The following ARHGAP10 variants were observed in gnomAD, a reference collection of about 807,000 sequenced individuals.
ARHGAP10 encodes the protein rho GTPase-activating protein 10.
In ARHGAP10, 87 loss-of-function variants were observed where a neutral mutation model predicts 108.6. The ratio of observed to expected loss-of-function variants is 0.80; its 90% CI spans 0.67 to 0.96. The LOEUF is 0.96. Among genes scored for constraint, ARHGAP10 ranks in the 40% least tolerant of loss-of-function variants. The pLI is 0.00. For missense variants in ARHGAP10, 939 were observed against 954.5 expected (o/e 0.98, Z 0.21); for synonymous variants, 347 against 341.1 (o/e 1.02, Z -0.19).
intron 16 of ARHGAP10, 78 bp downstream of exon 16, chr4:147,955,452 A>G: frequency 1.5e-6 from 2 of 1,292,802 alleles, no homozygotes; most frequent in South Asian, 2.6e-5. Context: ...CATATGAAAA[A>G]TTCAACTTGT....
chr4:147,904,306 C>T (rs191663287), intron 10 of ARHGAP10, among the ~76,000 whole-genome samples: 38 of 151,904 alleles, frequency 2.5e-4, no homozygotes, highest in Middle Eastern at 3.4e-3. Flanking sequence ...TATGTATACA[C>T]GTGCCATGCT....
chr4:147,878,714 C>T (rs1289044317), intron 8 of ARHGAP10, among the ~76,000 whole-genome samples: 1 of 151,308 alleles, frequency 6.6e-6, no homozygotes, highest in Non-Finnish European at 1.5e-5. Context: ...CTTTAAATCA[C>T]TTCTGTCTTG....
intron 18 of ARHGAP10, among the ~76,000 whole-genome samples, chr4:147,994,867 A>G (rs1035743187): frequency 2.0e-5 from 3 of 152,248 alleles, no homozygotes; most frequent in Non-Finnish European, 2.9e-5. Flanking sequence ...CATTATTTTC[A>G]TCATTTAATG....
Position 147,818,629 on chromosome 4 carries a change from C to A in ARHGAP10, c.155-4098C>A, listed in dbSNP as rs113896125. 7.3e-5 allele frequency among the ~76,000 whole-genome samples: 11 copies of A among 151,558 alleles called. 1 individual carries two copies. Among genetic ancestry groups the A allele is most frequent in the African/African-American group, 2.7e-4 (11 of 41,290 alleles). On this transcript the variant is annotated intron_variant, in intron 1 of 22. Coordinates refer to ENST00000336498, the MANE Select transcript of ARHGAP10 (RefSeq NM_024605.4). ...TCTATTCTCCCTGCCCTGCATCTAACCCAGGCAGAGATGTTGCTGGTCTTT... is the reference window on the plus strand; with the variant it reads ...TCTATTCTCCCTGCCCTGCATCTAAACCAGGCAGAGATGTTGCTGGTCTTT...
At position 148,042,694 on chromosome 4, in the gene ARHGAP10, C is replaced by T. The variant is rs184610884; in HGVS notation, c.1868-4198C>T. Among the ~76,000 whole-genome samples the T allele has an allele frequency of 7.4e-4, 113 of 152,302 alleles. 1 individual carries two copies. The highest frequency in any genetic ancestry group is 9.0e-4 in the Non-Finnish European group (61 of 68,024). On this transcript the variant is annotated intron_variant, in intron 19 of 22. Transcript: ENST00000336498. ...CACCTTGTTTGTCTTTGCCTGTCTT[C>T]TGCATTATACTCTGGGCATCTTTGG...
intron 15 of ARHGAP10, among the ~76,000 whole-genome samples, chr4:147,954,338 G>A (rs1043695101): frequency 6.6e-6 from 1 of 151,862 alleles, no homozygotes; most frequent in Non-Finnish European, 1.5e-5. Context: ...TCTCCTTGTA[G>A]TTCTGTCAAT....
At chr4:147,821,720 A>G (rs1362758337) in intron 1 of ARHGAP10, among the ~76,000 whole-genome samples, 1 of 152,190 alleles carries the variant, frequency 6.6e-6, no homozygotes, top group Non-Finnish European at 1.5e-5. Context: ...TTTTATTACC[A>G]TAATATGACT....
intron 13 of ARHGAP10, among the ~76,000 whole-genome samples, chr4:147,937,151 A>AT (rs1258975348): frequency 6.6e-6 from 1 of 152,166 alleles, no homozygotes; most frequent in African/African-American, 2.4e-5. Context: ...GGGCTGCTGA[A>AT]TAAACAATAG....
At chr4:147,916,282 TTC>T (rs1232357132) in intron 13 of ARHGAP10, among the ~76,000 whole-genome samples, 1 of 152,226 alleles carries the variant, frequency 6.6e-6, no homozygotes, top group Non-Finnish European at 1.5e-5. Context: ...TTTCATGTCT[TTC>T]TGTTTTTGAT....
At chr4:148,005,743 A>G (rs1248448198) in intron 18 of ARHGAP10, among the ~76,000 whole-genome samples, 1 of 152,164 alleles carries the variant, frequency 6.6e-6, no homozygotes, top group Non-Finnish European at 1.5e-5. Context: ...TTTCTCTTTC[A>G]TGATTGAGGT....
chr4:147,745,618 A>G (rs1296125649), intron 1 of ARHGAP10, among the ~76,000 whole-genome samples: 4 of 152,080 alleles, frequency 2.6e-5, no homozygotes, highest in Admixed American at 2.0e-4. Context: ...CAGCCTCCCG[A>G]GTAGCTGGGA....
chr4:147,921,331 G>A (rs1737223541), intron 13 of ARHGAP10, among the ~76,000 whole-genome samples: 1 of 152,210 alleles, frequency 6.6e-6, no homozygotes, highest in South Asian at 2.1e-4. Flanking sequence ...GGTGCTTCTT[G>A]GAAATTCAGA....
intron 5 of ARHGAP10, 158 bp from the exon 6 acceptor site, chr4:147,864,688 T>C (rs563194934): frequency 1.7e-6 from 1 of 585,154 alleles, no homozygotes; most frequent in East Asian, 3.1e-5. Flanking sequence ...CTGCAGACAA[T>C]ACATAAATGA....
intron 1 of ARHGAP10, among the ~76,000 whole-genome samples, chr4:147,771,082 C>G: frequency 6.6e-6 from 1 of 152,098 alleles, no homozygotes; most frequent in Middle Eastern, 3.2e-3. Flanking sequence ...ACCCTATGTT[C>G]CCTGTAATCC....
chr4:147,862,319 A>C (rs1398542855), intron 5 of ARHGAP10: 1 of 152,662 alleles, frequency 6.6e-6, no homozygotes, highest in Non-Finnish European at 1.5e-5. Flanking sequence ...GAGCAGGAGC[A>C]GGCACTTCTT....
chr4:147,864,892 C>G lies in ARHGAP10; in HGVS notation c.533C>G (p.Ser178Cys). Reference protein sequence around the residue: ...EQNRQHFYELSLEYVCKLQEI... With the variant: ...EQNRQHFYELCLEYVCKLQEI... ...AACCGGCAACACTTCTATGAACTGT[C>G]TCTCGAGTATGTGTGTAAGCTGCAG... Residue 178 changes from serine (S) to cysteine (C), a missense_variant, in exon 6 of 23, where the codon TCT becomes TGT. Transcript: ENST00000336498. 2 of 1,614,104 alleles carry G rather than the reference C, an allele frequency of 1.2e-6. No individual in the cohort carries two copies. The highest frequency in any genetic ancestry group is 2.2e-5 in the South Asian group (2 of 91,076).
chr4:147,734,836 TTGGG>T (rs1353021261), intron 1 of ARHGAP10, among the ~76,000 whole-genome samples: 1 of 152,152 alleles, frequency 6.6e-6, no homozygotes, highest in Non-Finnish European at 1.5e-5. Context: ...AGGGATGACA[TTGGG>T]TGGAGGATCT....
At chr4:147,751,035 C>T (rs761265003) in intron 1 of ARHGAP10, among the ~76,000 whole-genome samples, 12 of 151,332 alleles carry the variant, frequency 7.9e-5, no homozygotes, top group African/African-American at 1.2e-4. Flanking sequence ...AAAAATTAGC[C>T]GGGTGTGATG....
chr4:147,900,333 T>C (rs1213537771), intron 10 of ARHGAP10, among the ~76,000 whole-genome samples: 1 of 152,246 alleles, frequency 6.6e-6, no homozygotes, highest in Non-Finnish European at 1.5e-5. Flanking sequence ...TTAAAAAGAA[T>C]TTATGAATTT....
Sources: allele counts gnomAD v4.1 joint callset (sites outside exome capture counted in the v4.1 genomes callset), GRCh38; gene constraint gnomAD v4.1.1; transcripts MANE v1.5; gene names NCBI Gene and HGNC (gene_info 2026-07-23, HGNC 2026-07-21).